The following CARD8 variants were observed in gnomAD, a reference collection of about 807,000 sequenced individuals.
CARD8 encodes the protein caspase recruitment domain-containing protein 8.
CARD8 carries 38 observed loss-of-function variants against 53.2 expected under a neutral mutation model. That is an observed-to-expected ratio of 0.71 (90% CI 0.55 to 0.94). CARD8 has a LOEUF of 0.94. Among genes scored for constraint, CARD8 ranks in the 40% least tolerant of loss-of-function variants. The pLI is 0.00. For synonymous variants in CARD8, 245 were observed against 244.9 expected (o/e 1.00, Z 0.00); for missense variants, 561 against 655.5 (o/e 0.86, Z 1.57).
intron 3 of CARD8, among the ~76,000 whole-genome samples, chr19:48,244,783 GAGA>G (rs1022200358): frequency 1.1e-4 from 16 of 152,172 alleles, no homozygotes; most frequent in African/African-American, 3.6e-4. Flanking sequence ...GAAAATAGGT[GAGA>G]AGACCAGGAA....
Position 48,232,433 on chromosome 19 carries a change from T to C in CARD8, c.391+20A>G. 3 of 1,531,820 alleles carry C rather than the reference T, an allele frequency of 2.0e-6. No homozygotes were observed. Among genetic ancestry groups the C allele is most frequent in the Non-Finnish European group, 2.6e-6 (3 of 1,142,912 alleles). The allele number at this position is 1,531,820 out of a possible 1,614,324, so 94.9% of individuals were successfully genotyped here. The stretch of plus-strand genomic sequence containing the variant: ...CATCAATCCACACGCCCTTCACTCC[T>C]CTCCCTATTAGCCCATTACCTGAAT... On this transcript the variant is annotated intron_variant, in intron 7 of 13. Transcript: ENST00000651546.
chr19:48,206,497 A>G (rs753250950), downstream of CARD8: 1 of 461,830 alleles, frequency 2.2e-6, no homozygotes. Context: ...AAGATTGGGC[A>G]GCATCCAGGC....
In CARD8 at chr19:48,211,587, GTGTGATAGA is replaced by G. The variant is rs1469937536; in HGVS notation, c.*114_*122del. The G allele has an allele frequency of 1.1e-6, 1 of 923,348 alleles. No homozygotes were observed. The highest frequency in any genetic ancestry group is 1.7e-6 in the Non-Finnish European group (1 of 605,762). 57.2% of individuals were successfully genotyped at this position (923,348 alleles called of 1,614,324 possible). A position where few individuals can be genotyped will look rare whatever the true frequency, so the allele number is the denominator to read the frequency against. ...GGTTACAAGTCTGTCCTGAAAGCCT[GTGTGATAGA>G]TGTTACCCAGTCTTCTTCTGTCTTG... On this transcript the variant is annotated 3_prime_UTR_variant, in exon 14 of 14. Coordinates refer to ENST00000651546, the MANE Select transcript of CARD8 (RefSeq NM_001184900.3).
chr19:48,237,038 A>G (rs1038466945), intron 5 of CARD8, among the ~76,000 whole-genome samples: 3 of 151,990 alleles, frequency 2.0e-5, no homozygotes, highest in African/African-American at 7.3e-5. Flanking sequence ...AGCCTCCCAA[A>G]GTGCTGGGAT....
chr19:48,225,548 C>T (rs543415481), intron 10 of CARD8, among the ~76,000 whole-genome samples: 6 of 151,872 alleles, frequency 4.0e-5, no homozygotes, highest in African/African-American at 7.3e-5. Flanking sequence ...TAAAGGCTTT[C>T]GGAAGCAGAA....
In CARD8 at chr19:48,238,471, T is replaced by C; in HGVS notation, c.121A>G (p.Lys41Glu). ...CGTATGCTATTGTCAACCAACAGTT[T>C]CCGTGATCCTTGTAGTCTAATGAGT... is the stretch of plus-strand genomic sequence containing the variant. ...SKLIRLQGSRKLLVDNSIREL... is the reference protein window; with the variant it reads ...SKLIRLQGSRELLVDNSIREL... Residue 41 changes from lysine to glutamate, a missense_variant, in exon 5 of 14, where the codon AAA (lysine) becomes GAA (glutamate). Transcript: ENST00000651546. 6.5e-7 allele frequency: 1 copy of C among 1,536,400 alleles called. No homozygotes were observed. The highest frequency in any genetic ancestry group is 8.7e-7 in the Non-Finnish European group (1 of 1,146,962).
intron 10 of CARD8, among the ~76,000 whole-genome samples, chr19:48,225,067 A>C (rs1039803077): frequency 6.6e-6 from 1 of 151,898 alleles, no homozygotes; most frequent in Non-Finnish European, 1.5e-5. Flanking sequence ...TTGTGCTTTT[A>C]ACTAATTTAT....
Position 48,234,286 on chromosome 19 carries a change from CTCAT to C in CARD8, c.350+113_350+116del, listed in dbSNP as rs943157281. On this transcript the variant is annotated intron_variant, in intron 6 of 13. Transcript: ENST00000651546. ...GGATTCATTGCTAGTATTGCATAAG[CTCAT>C]TCATTCTCCCCTGAGTTCGATGAAA... is the stretch of plus-strand genomic sequence containing the variant. 1.1e-5 allele frequency: 11 copies of C among 1,020,098 alleles called. No individual in the cohort carries two copies. The Admixed American group carries it at 2.9e-4, about 27-fold the overall frequency. The allele number at this position is 1,020,098 out of a possible 1,614,324, so 63.2% of individuals were successfully genotyped here. A position where few individuals can be genotyped will look rare whatever the true frequency, so the allele number is the denominator to read the frequency against.
chr19:48,214,882 G>C (rs568255394), intron 13 of CARD8, among the ~76,000 whole-genome samples: 2 of 136,748 alleles, frequency 1.5e-5, no homozygotes, highest in Middle Eastern at 8.4e-3. Flanking sequence ...TCTGCCTCCC[G>C]GGTTCAAGCC....
intron 4 of CARD8, 67 bp downstream of exon 4, chr19:48,240,895 C>A: frequency 2.4e-6 from 3 of 1,229,402 alleles, no homozygotes; most frequent in Non-Finnish European, 3.5e-6. Flanking sequence ...CTCTGTATCT[C>A]ATGAACTATA....
intron 10 of CARD8, among the ~76,000 whole-genome samples, chr19:48,225,458 T>G (rs1368564624): frequency 6.6e-6 from 1 of 152,006 alleles, no homozygotes; most frequent in Non-Finnish European, 1.5e-5. Flanking sequence ...GGCACTGCAC[T>G]CCAGCCTGGG....
At chr19:48,219,114 G>A in intron 11 of CARD8, 102 bp from the exon 12 acceptor site, 1 of 1,016,430 alleles carries the variant, frequency 9.8e-7, no homozygotes, top group Non-Finnish European at 1.5e-6. Flanking sequence ...CCTGTGCAAT[G>A]TCATGGCTGG....
chr19:48,251,788 C>T (rs1360187723), intron 1 of CARD8, among the ~76,000 whole-genome samples: 2 of 152,118 alleles, frequency 1.3e-5, no homozygotes, highest in Non-Finnish European at 2.9e-5. Flanking sequence ...TCGCCATGTC[C>T]TGTTTGTGTT....
chr19:48,224,249 T>C (rs1220513031), intron 10 of CARD8, among the ~76,000 whole-genome samples: 2 of 152,108 alleles, frequency 1.3e-5, no homozygotes, highest in Non-Finnish European at 2.9e-5. Flanking sequence ...CGTGACCAAA[T>C]GCAATTTTTA....
intron 10 of CARD8, among the ~76,000 whole-genome samples, chr19:48,229,604 C>T (rs943982966): frequency 1.3e-5 from 2 of 152,174 alleles, no homozygotes; most frequent in East Asian, 1.9e-4. Context: ...CTGGCATAAT[C>T]GCCCCACCTA....
intron 5 of CARD8, 138 bp from the exon 6 acceptor site, chr19:48,234,681 C>T (rs888733064): frequency 5.5e-5 from 38 of 688,212 alleles, no homozygotes; most frequent in Non-Finnish European, 7.0e-5. Flanking sequence ...CAGGCCCCTA[C>T]GACTCCATCT....
downstream of CARD8, among the ~76,000 whole-genome samples, chr19:48,204,811 G>A (rs1364833633): frequency 2.6e-5 from 4 of 152,194 alleles, no homozygotes; most frequent in African/African-American, 7.2e-5. Context: ...GTTATTTATA[G>A]AAGGCCAACT....
intron 10 of CARD8, among the ~76,000 whole-genome samples, chr19:48,224,111 G>GC: frequency 6.6e-6 from 1 of 152,292 alleles, no homozygotes; most frequent in Middle Eastern, 3.4e-3. Context: ...ACAGGCGCAT[G>GC]CCAGCACGCC....
intron 7 of CARD8, chr19:48,232,144 G>A: frequency 3.6e-6 from 2 of 553,098 alleles, no homozygotes; most frequent in South Asian, 4.0e-5. Context: ...CTTTCTGCTG[G>A]TGAGGAAAGT....
Sources: gnomAD v4.1 joint callset for allele counts (sites outside exome capture counted in the v4.1 genomes callset) on GRCh38, gnomAD v4.1.1 for gene constraint, MANE v1.5 for transcripts, NCBI Gene and HGNC (gene_info 2026-07-23, HGNC 2026-07-21) for gene names.